The following CDH13 variants were observed in gnomAD, a reference collection of about 807,000 sequenced individuals.
CDH13 encodes cadherin 13, also known as cadherin-13.
In CDH13, 24 loss-of-function variants were observed where a neutral mutation model predicts 63.8. The ratio of observed to expected loss-of-function variants is 0.38; its 90% CI spans 0.27 to 0.53. The LOEUF (loss-of-function observed/expected upper bound fraction) is 0.53. CDH13 is among the 20% of genes least tolerant of loss of function. The pLI, the probability that CDH13 is intolerant of heterozygous loss-of-function variation, is 0.85. For synonymous variants in CDH13, 503 were observed against 355.3 expected (o/e 1.42, Z -4.67); for missense variants, 1,049 against 903.1 (o/e 1.16, Z -2.07).
intron 4 of CDH13, among the ~76,000 whole-genome samples, chr16:83,137,997 G>C (rs561244603): frequency 2.0e-5 from 3 of 152,212 alleles, no homozygotes; most frequent in Non-Finnish European, 4.4e-5. Flanking sequence ...GGGTGGCTGG[G>C]AACAGTCCCT....
At chr16:83,221,749 C>G (rs1437672308) in intron 5 of CDH13, among the ~76,000 whole-genome samples, 1 of 152,040 alleles carries the variant, frequency 6.6e-6, no homozygotes, top group African/African-American at 2.4e-5. Context: ...GTGTCCTTGG[C>G]AGGAGACCTT....
intron 6 of CDH13, among the ~76,000 whole-genome samples, chr16:83,427,687 C>A (rs1379788151): frequency 6.6e-6 from 1 of 152,092 alleles, no homozygotes; most frequent in African/African-American, 2.4e-5. Flanking sequence ...CTTCAGGATT[C>A]TCCTCCACCC....
At position 82,627,128 on chromosome 16, in the gene CDH13, C is replaced by G; in HGVS notation, c.36C>G (p.Leu12=). Residue 12 remains leucine (L), a synonymous_variant, in exon 1 of 14, where the codon CTC becomes CTG. Transcript: ENST00000567109. ...QPRTPLVLCV[L]LSQVLLLTSA... is the part of the protein sequence containing the mutation. ...GAACTCCGCTCGTTCTGTGCGTTCT[C>G]CTGTCCCAGGTAGGGAAGAGGGGCT... The G allele has an allele frequency of 1.2e-6, 2 of 1,607,220 alleles. No individual in the cohort carries two copies. Among genetic ancestry groups the G allele is most frequent in the Non-Finnish European group, 1.7e-6 (2 of 1,177,212 alleles).
At chr16:82,863,543 T>A (rs147469907) in intron 2 of CDH13, among the ~76,000 whole-genome samples, 286 of 152,338 alleles carry the variant, frequency 1.9e-3, no homozygotes, top group African/African-American at 6.4e-3. Flanking sequence ...GTTTGAATTA[T>A]CTCATCTCCA....
intron 1 of CDH13, among the ~76,000 whole-genome samples, chr16:82,654,361 G>A (rs1308643983): frequency 6.6e-6 from 1 of 152,180 alleles, no homozygotes; most frequent in Non-Finnish European, 1.5e-5. Flanking sequence ...AGAAGAGATG[G>A]TTCTTTCCCC....
chr16:83,132,324 C>G (rs1428749890), intron 4 of CDH13, among the ~76,000 whole-genome samples: 1 of 151,800 alleles, frequency 6.6e-6, no homozygotes, highest in African/African-American at 2.4e-5. Flanking sequence ...CCAGTAATTG[C>G]TGTCATCCCT....
At chr16:83,671,292 A>G (rs766860873) in intron 9 of CDH13, among the ~76,000 whole-genome samples, 4 of 152,170 alleles carry the variant, frequency 2.6e-5, no homozygotes, top group Non-Finnish European at 5.9e-5. Flanking sequence ...TCTGTCACCT[A>G]GGCTGGGGTG....
At position 82,867,687 on chromosome 16, in the gene CDH13, A is replaced by G. The variant is rs529275168; in HGVS notation, c.157+9214A>G. On this transcript the variant is annotated intron_variant, in intron 2 of 13. Coordinates refer to ENST00000567109, the MANE Select transcript of CDH13 (RefSeq NM_001257.5). The stretch of plus-strand genomic sequence containing the variant: ...ACTATAAATCAAGCAAGGAACTTGA[A>G]AAATGAAGGCAATTAATGAAAAAGC... Among the ~76,000 whole-genome samples, 8 of 152,352 alleles carry G rather than the reference A, an allele frequency of 5.3e-5. No homozygotes were observed. The South Asian group carries it at 1.7e-3, about 32-fold the overall frequency.
At position 82,824,094 on chromosome 16, in the gene CDH13, A is replaced by G. The variant is rs546221633; in HGVS notation, c.46-34268A>G. 3 of 152,332 alleles carry G rather than the reference A, an allele frequency of 2.0e-5. No individual in the cohort carries two copies. In the South Asian group the frequency reaches 6.2e-4, roughly 32 times the overall value. The allele number at this position is 152,332 out of a possible 1,614,324, so 9.4% of individuals were successfully genotyped here. The stretch of plus-strand genomic sequence containing the variant: ...CATACCAAGAAGCAGAGAGGCTATG[A>G]GATGTCATTAGGGTCATGTCATTTA... On this transcript the variant is annotated intron_variant, in intron 1 of 13. Transcript: ENST00000567109.
At chr16:83,702,905 C>T (rs1302272915) in intron 10 of CDH13, among the ~76,000 whole-genome samples, 2 of 152,236 alleles carry the variant, frequency 1.3e-5, no homozygotes, top group African/African-American at 4.8e-5. Context: ...TAGCTCGTTA[C>T]CACCTTAGCA....
At chr16:83,583,866 G>A (rs926225883) in intron 7 of CDH13, among the ~76,000 whole-genome samples, 43 of 152,262 alleles carry the variant, frequency 2.8e-4, no homozygotes, top group African/African-American at 9.9e-4. Flanking sequence ...GCAGTGAGCT[G>A]AGATCGCACC....
chr16:82,789,468 T>C (rs180998013), intron 1 of CDH13, among the ~76,000 whole-genome samples: 3 of 152,276 alleles, frequency 2.0e-5, no homozygotes, highest in Admixed American at 6.5e-5. Context: ...TGTCTAGACT[T>C]AGTGGTGTGG....
At chr16:83,037,259 G>A (rs752371018) in intron 3 of CDH13, among the ~76,000 whole-genome samples, 16 of 152,132 alleles carry the variant, frequency 1.1e-4, no homozygotes, top group East Asian at 9.6e-4. Flanking sequence ...TGGGGTTACC[G>A]AGATTACCCC....
At chr16:82,862,642 C>A (rs375770041) in intron 2 of CDH13, among the ~76,000 whole-genome samples, 4 of 152,148 alleles carry the variant, frequency 2.6e-5, no homozygotes, top group African/African-American at 9.7e-5. Context: ...TAGGTAGAGA[C>A]AGAAATCACA....
intron 3 of CDH13, among the ~76,000 whole-genome samples, chr16:83,084,272 G>A (rs555694923): frequency 6.6e-6 from 1 of 152,272 alleles, no homozygotes; most frequent in South Asian, 2.1e-4. Flanking sequence ...GTCTGGAGAA[G>A]GATCTGTGAC....
chr16:83,800,266 A>C lies in CDH13; in HGVS notation c.*5236A>C, dbSNP rs1567605140. On this transcript the variant is annotated 3_prime_UTR_variant, in exon 14 of 14. Transcript: ENST00000567109. ...GACTATTTTTTTGCTACTTTTTAAA[A>C]AGCTTTTTCTTTAGAGAGTACTAAA... 6.6e-6 allele frequency: 1 copy of C among 152,140 alleles called. No homozygotes were observed. Among genetic ancestry groups the C allele is most frequent in the Non-Finnish European group, 1.5e-5 (1 of 68,008 alleles). 9.4% of individuals were successfully genotyped at this position (152,140 alleles called of 1,614,324 possible). A position where few individuals can be genotyped will look rare whatever the true frequency, so the allele number is the denominator to read the frequency against.
intron 8 of CDH13, among the ~76,000 whole-genome samples, chr16:83,634,532 C>G (rs991155663): frequency 6.6e-6 from 1 of 151,968 alleles, no homozygotes; most frequent in East Asian, 1.9e-4. Context: ...TCCTGAATAG[C>G]TGGGACTACA....
intron 6 of CDH13, among the ~76,000 whole-genome samples, chr16:83,365,275 T>C (rs2091236818): frequency 6.6e-6 from 1 of 152,200 alleles, no homozygotes; most frequent in Admixed American, 6.5e-5. Context: ...TGGAGTGGAC[T>C]GATGTTGTAG....
intron 2 of CDH13, among the ~76,000 whole-genome samples, chr16:82,865,216 T>C (rs1387028546): frequency 6.6e-6 from 1 of 152,178 alleles, no homozygotes; most frequent in Non-Finnish European, 1.5e-5. Flanking sequence ...TGTCAATGGA[T>C]CTACCATTCT....
Sources: gnomAD v4.1 joint callset for allele counts (sites outside exome capture counted in the v4.1 genomes callset) on GRCh38, gnomAD v4.1.1 for gene constraint, MANE v1.5 for transcripts, NCBI Gene and HGNC (gene_info 2026-07-23, HGNC 2026-07-21) for gene names.